Variants in PRKDC observed in about 807,000 individuals in gnomAD.
PRKDC encodes the protein DNA-dependent protein kinase catalytic subunit.
PRKDC carries 82 observed loss-of-function variants against 486.9 expected under a neutral mutation model. The observed-to-expected ratio is 0.17, with a 90% CI of 0.14 to 0.20. The LOEUF is 0.20. Among genes scored for constraint, PRKDC ranks in the 10% least tolerant of loss-of-function variants. The pLI is 1.00. For synonymous variants in PRKDC, 1,895 were observed against 1,837.0 expected, an observed-to-expected ratio of 1.03 and a Z score of -0.81; for missense variants, 4,504 against 5,038.2, an observed-to-expected ratio of 0.89 and a Z score of 3.21.
In PRKDC at chr8:47,904,922, T is replaced by G. The variant is rs781275979; in HGVS notation, c.2989A>C (p.Asn997His). The G allele has an allele frequency of 7.4e-6, 12 of 1,613,846 alleles. No homozygotes were observed. In the Middle Eastern group the frequency reaches 4.9e-4, roughly 67 times the overall value. ...LVMQLIHWFT[N>H]NKKFESQDTV... ...TCCTGACTTTCAAATTTCTTGTTGT[T>G]AGTGAACCAGTGAATCAGCTGCATA... The change falls in exon 26 of 86, where the codon AAC (asparagine) becomes CAC (histidine). Residue 997 changes from asparagine to histidine, a missense_variant. Transcript: ENST00000314191.
intron 25 of PRKDC, among the ~76,000 whole-genome samples, chr8:47,907,883 TTAGAG>T (rs1467619279): frequency 2.0e-5 from 3 of 152,206 alleles, no homozygotes; most frequent in Admixed American, 6.5e-5. Context: ...TGGTTTCTTC[TTAGAG>T]TACTTTCCAC....
chr8:47,788,990 A>T lies in PRKDC; in HGVS notation c.10818T>A (p.Ile3606=). The T allele has an allele frequency of 6.2e-7, 1 of 1,613,442 alleles. No homozygotes were observed. Among genetic ancestry groups the T allele is most frequent in the Non-Finnish European group, 8.5e-7 (1 of 1,179,666 alleles). The change falls in exon 76 of 86, where the codon ATT becomes ATA. Residue 3606 remains isoleucine, a synonymous_variant. Coordinates refer to ENST00000314191, the MANE Select transcript of PRKDC (RefSeq NM_006904.7). The part of the protein sequence containing the change: ...LAKTPVNKKN[I]EKMYERMYAA... The stretch of plus-strand genomic sequence containing the variant: ...CATACATTCTTTCATACATTTTTTC[A>T]ATGTTTTTTTTATTTACAGGGGTTT...
At chr8:47,922,709 T>C (rs2090091529) in intron 21 of PRKDC, among the ~76,000 whole-genome samples, 1 of 152,196 alleles carries the variant, frequency 6.6e-6, no homozygotes, top group Non-Finnish European at 1.5e-5. Context: ...ACTGACCCCA[T>C]AAATCTTTGT....
intron 7 of PRKDC, among the ~76,000 whole-genome samples, 178 bp from the exon 8 acceptor site, chr8:47,944,207 C>A (rs1465146393): frequency 6.6e-6 from 1 of 152,024 alleles, no homozygotes; most frequent in African/African-American, 2.4e-5. Context: ...GTTATGACTG[C>A]GAGAAAACAG....
At chr8:47,793,511 A>G (rs1050857384) in intron 74 of PRKDC, among the ~76,000 whole-genome samples, 2 of 151,906 alleles carry the variant, frequency 1.3e-5, no homozygotes, top group Non-Finnish European at 2.9e-5. Context: ...ATGGTGGCAC[A>G]CGCTTGTAAT....
chr8:47,804,059 T>C (rs1034943722), intron 69 of PRKDC, among the ~76,000 whole-genome samples: 3 of 152,072 alleles, frequency 2.0e-5, no homozygotes, highest in Non-Finnish European at 4.4e-5. Flanking sequence ...CAAAAAGAAA[T>C]TCACTGTCTG....
chr8:47,830,674 C>A lies in PRKDC; in HGVS notation c.8328G>T (p.Arg2776=), dbSNP rs2154499401. ...TCTGAATGTCAGGAAGGTCTCCGTG[C>A]CGGTAGCTTCTGTACAGAACGACCT... is the stretch of plus-strand genomic sequence containing the variant. The part of the protein sequence containing the change: ...DAQVVLYRSY[R]HGDLPDIQIK... Residue 2776 remains arginine, a synonymous_variant, in exon 61 of 86, where the codon CGG becomes CGT. Coordinates refer to ENST00000314191, the MANE Select transcript of PRKDC (RefSeq NM_006904.7). 6.2e-7 allele frequency: 1 copy of A among 1,613,940 alleles called. No homozygotes were observed. Among genetic ancestry groups the A allele is most frequent in the Non-Finnish European group, 8.5e-7 (1 of 1,179,882 alleles).
chr8:47,797,432 G>A (rs7839838), intron 73 of PRKDC, among the ~76,000 whole-genome samples: 1,796 of 152,278 alleles, frequency 0.012, 46 homozygotes, highest in African/African-American at 0.04. Flanking sequence ...GAAAAAGGTG[G>A]AAGGAGTGGT....
At chr8:47,856,820 G>A (rs1026696426) in intron 49 of PRKDC, among the ~76,000 whole-genome samples, 2 of 152,214 alleles carry the variant, frequency 1.3e-5, no homozygotes, top group African/African-American at 4.8e-5. Flanking sequence ...AGTCCTCAGA[G>A]CCTCCCATTC....
intron 69 of PRKDC, among the ~76,000 whole-genome samples, chr8:47,804,737 C>A (rs2087184069): frequency 6.6e-6 from 1 of 152,086 alleles, no homozygotes; most frequent in Non-Finnish European, 1.5e-5. Context: ...ATTGTCGGGT[C>A]ATATGGTACC....
At chr8:47,871,314 T>C (rs535553438) in intron 40 of PRKDC, among the ~76,000 whole-genome samples, 10 of 151,988 alleles carry the variant, frequency 6.6e-5, no homozygotes, top group South Asian at 2.1e-4. Flanking sequence ...AAGTCAAGAA[T>C]AAAGAAAGGA....
intron 15 of PRKDC, 98 bp from the exon 16 acceptor site, chr8:47,933,270 T>C: frequency 6.0e-6 from 6 of 991,976 alleles, no homozygotes; most frequent in Non-Finnish European, 8.3e-6. Flanking sequence ...ATGTGCCGGT[T>C]TGGGTATTAT....
At chr8:47,837,488 G>A in intron 56 of PRKDC, 69 bp from the exon 57 acceptor site, 2 of 1,259,364 alleles carry the variant, frequency 1.6e-6, no homozygotes, top group Non-Finnish European at 2.2e-6. Flanking sequence ...GCTGTACAGG[G>A]TGTCCTGTGG....
At chr8:47,907,992 G>T (rs180695325) in intron 25 of PRKDC, among the ~76,000 whole-genome samples, 29 of 152,210 alleles carry the variant, frequency 1.9e-4, no homozygotes, top group Admixed American at 1.7e-3. Flanking sequence ...AGCTAGAAAT[G>T]CAAGTATTTC....
chr8:47,865,922 G>A (rs988170317), intron 40 of PRKDC, among the ~76,000 whole-genome samples: 6 of 152,090 alleles, frequency 3.9e-5, no homozygotes, highest in African/African-American at 7.2e-5. Context: ...TCGGGAGGCC[G>A]AGGCGGGTGG....
At chr8:47,895,981 G>C (rs1179217483) in intron 30 of PRKDC, among the ~76,000 whole-genome samples, 1 of 152,098 alleles carries the variant, frequency 6.6e-6, no homozygotes, top group Non-Finnish European at 1.5e-5. Flanking sequence ...AGAGGCTGCA[G>C]TGAGCCAAGA....
chr8:47,910,263 T>C (rs1404894090), intron 25 of PRKDC, among the ~76,000 whole-genome samples: 1 of 152,178 alleles, frequency 6.6e-6, no homozygotes, highest in African/African-American at 2.4e-5. Flanking sequence ...ATCCCCCTGG[T>C]CAATAAGTAT....
chr8:47,810,484 T>A (rs1332997518), intron 68 of PRKDC, among the ~76,000 whole-genome samples: 1 of 152,176 alleles, frequency 6.6e-6, no homozygotes, highest in Non-Finnish European at 1.5e-5. Context: ...CCACTGGGGA[T>A]CTTTGAACTC....
In PRKDC at chr8:47,890,012, G is replaced by A. The variant is rs72647910; in HGVS notation, c.4071+245C>T. Among the ~76,000 whole-genome samples the A allele has an allele frequency of 0.023, 3,459 of 152,178 alleles. 60 individuals carry two copies. Among genetic ancestry groups the A allele is most frequent in the Non-Finnish European group, 0.035 (2,390 of 67,996 alleles). On this transcript the variant is annotated intron_variant, in intron 32 of 85. Coordinates refer to ENST00000314191, the MANE Select transcript of PRKDC (RefSeq NM_006904.7). ...CAGTTTTTGTCAACTAAAACAAATT[G>A]ACAAATTGATTTTGACATATAACTT...
Sources: gnomAD v4.1 joint callset for allele counts (sites outside exome capture counted in the v4.1 genomes callset) on GRCh38, gnomAD v4.1.1 for gene constraint, MANE v1.5 for transcripts, NCBI Gene and HGNC (gene_info 2026-07-23, HGNC 2026-07-21) for gene names.